The following ATP8A1 variants were observed in gnomAD, a reference collection of about 807,000 sequenced individuals.
The protein encoded by ATP8A1 is phospholipid-transporting ATPase IA.
ATP8A1 carries 90 observed loss-of-function variants against 177.7 expected under a neutral mutation model. The ratio of observed to expected loss-of-function variants is 0.51; its 90% CI spans 0.43 to 0.60. The LOEUF (loss-of-function observed/expected upper bound fraction) is 0.60. ATP8A1 is among the 20% of genes least tolerant of loss of function. The pLI is 0.00. For missense variants in ATP8A1, 1,072 were observed against 1,392.8 expected (o/e 0.77, Z 3.67); for synonymous variants, 493 against 485.9 (o/e 1.01, Z -0.19).
intron 5 of ATP8A1, among the ~76,000 whole-genome samples, chr4:42,604,651 C>T (rs6447173): frequency 0.57 from 86,277 of 152,036 alleles, 24,630 homozygotes; most frequent in South Asian, 0.66. Flanking sequence ...ACAGTTACCA[C>T]AGACCCAGAA....
intron 24 of ATP8A1, among the ~76,000 whole-genome samples, chr4:42,491,907 A>G (rs770223556): frequency 6.6e-5 from 10 of 152,206 alleles, no homozygotes; most frequent in African/African-American, 1.2e-4. Flanking sequence ...AAGGAAAAGC[A>G]TAGCCTCTAG....
chr4:42,426,348 C>T (rs1028492543), intron 33 of ATP8A1, among the ~76,000 whole-genome samples: 2 of 152,198 alleles, frequency 1.3e-5, no homozygotes, highest in Non-Finnish European at 2.9e-5. Flanking sequence ...TATGTGTTTA[C>T]ACTATTAATA....
At chr4:42,517,685 C>T (rs1361916907) in intron 22 of ATP8A1, among the ~76,000 whole-genome samples, 2 of 152,108 alleles carry the variant, frequency 1.3e-5, no homozygotes, top group African/African-American at 4.8e-5. Flanking sequence ...AAAAAATAAA[C>T]AAAATAGATG....
chr4:42,580,338 G>A (rs1186920391), intron 10 of ATP8A1, among the ~76,000 whole-genome samples: 1 of 152,064 alleles, frequency 6.6e-6, no homozygotes, highest in East Asian at 1.9e-4. Context: ...TTCCGTTCAG[G>A]AAGACAGGCA....
intron 1 of ATP8A1, 29 bp from the exon 2 acceptor site, chr4:42,627,138 G>T: frequency 6.5e-7 from 1 of 1,546,400 alleles, no homozygotes; most frequent in South Asian, 1.1e-5. Flanking sequence ...TATTGTACAA[G>T]AAATGTTTTA....
rs117780380 is a variant in ATP8A1 at position 42,489,311 on chromosome 4, C to T, written c.2152-3643G>A. 5.4e-3 allele frequency among the ~76,000 whole-genome samples: 824 copies of T among 152,224 alleles called. 16 individuals carry two copies. The highest frequency in any genetic ancestry group is 0.033 in the East Asian group (173 of 5,170). On this transcript the variant is annotated intron_variant, in intron 24 of 36. Transcript: ENST00000381668. ...AGAACTGTGAAACGCCCTCATGAAC[C>T]AACATAGGGTATGCAGTCCTGTGGT... is the stretch of plus-strand genomic sequence containing the variant.
chr4:42,425,601 C>T (rs1314215497), intron 33 of ATP8A1, among the ~76,000 whole-genome samples: 3 of 152,094 alleles, frequency 2.0e-5, no homozygotes, highest in Admixed American at 1.3e-4. Flanking sequence ...GTATTTCCTT[C>T]CTTTCTGTAT....
At chr4:42,560,749 A>AT (rs1001901153) in intron 15 of ATP8A1, among the ~76,000 whole-genome samples, 54 of 152,026 alleles carry the variant, frequency 3.6e-4, no homozygotes, top group Non-Finnish European at 5.9e-4. Context: ...GAATTTCTTT[A>AT]TTTAGGAGCT....
intron 33 of ATP8A1, among the ~76,000 whole-genome samples, chr4:42,431,002 G>A (rs940334486): frequency 7.9e-5 from 12 of 151,774 alleles, no homozygotes; most frequent in Admixed American, 5.9e-4. Context: ...ACACAGTCCA[G>A]CCTGCTGTAT....
At position 42,464,878 on chromosome 4, in the gene ATP8A1, G is replaced by A. The variant is rs753115035; in HGVS notation, c.2508+15C>T. On this transcript the variant is annotated intron_variant, in intron 26 of 36. Coordinates refer to ENST00000381668, the MANE Select transcript of ATP8A1 (RefSeq NM_006095.2). ...ACTGAGAGGAATGATGTGTTTTGCAGAAATGACGCTTTACCTGAGCTATGG... is the reference window on the plus strand; with the variant it reads ...ACTGAGAGGAATGATGTGTTTTGCAAAAATGACGCTTTACCTGAGCTATGG... 6.2e-7 allele frequency: 1 copy of A among 1,613,508 alleles called. No homozygotes were observed.
At chr4:42,442,596 C>T (rs1380500261) in intron 33 of ATP8A1, among the ~76,000 whole-genome samples, 6 of 152,130 alleles carry the variant, frequency 3.9e-5, no homozygotes, top group Admixed American at 2.0e-4. Flanking sequence ...TATATAATGC[C>T]TCTCTCTAAT....
chr4:42,604,599 T>C (rs1455202100), intron 5 of ATP8A1, among the ~76,000 whole-genome samples: 1 of 152,210 alleles, frequency 6.6e-6, no homozygotes, highest in Non-Finnish European at 1.5e-5. Flanking sequence ...TAATAAATAG[T>C]TGTATAGGAA....
intron 1 of ATP8A1, among the ~76,000 whole-genome samples, chr4:42,641,989 G>GT (rs1318348850): frequency 0.037 from 5,423 of 145,978 alleles, 287 homozygotes; most frequent in African/African-American, 0.12. Context: ...ACTCACCTTT[G>GT]TTTTTTTTTT....
intron 13 of ATP8A1, 52 bp from the exon 14 acceptor site, chr4:42,574,759 C>T (rs1385480509): frequency 7.8e-7 from 1 of 1,282,266 alleles, no homozygotes; most frequent in South Asian, 1.3e-5. Context: ...TTATGCCACT[C>T]TTTTACAGAG....
At chr4:42,445,987 G>A (rs984638792) in intron 31 of ATP8A1, among the ~76,000 whole-genome samples, 15 of 148,704 alleles carry the variant, frequency 1.0e-4, no homozygotes, top group Admixed American at 4.8e-4. Context: ...GGCTGAGGCA[G>A]GAGAATCACA....
At chr4:42,534,510 G>A (rs963128468) in intron 20 of ATP8A1, among the ~76,000 whole-genome samples, 6 of 152,146 alleles carry the variant, frequency 3.9e-5, no homozygotes, top group African/African-American at 1.2e-4. Flanking sequence ...ACAAGTTTGG[G>A]ATTGTGTTAA....
At chr4:42,554,891 A>G (rs1010793755) in intron 16 of ATP8A1, among the ~76,000 whole-genome samples, 1 of 152,126 alleles carries the variant, frequency 6.6e-6, no homozygotes, top group African/African-American at 2.4e-5. Flanking sequence ...CAGGCAGAAA[A>G]CTGTGAAAAG....
At chr4:42,442,806 G>C (rs977803504) in intron 33 of ATP8A1, among the ~76,000 whole-genome samples, 7 of 152,214 alleles carry the variant, frequency 4.6e-5, no homozygotes, top group Non-Finnish European at 1.0e-4. Flanking sequence ...ACAATGTACT[G>C]TCACGGAGCT....
At chr4:42,485,746 C>T in intron 24 of ATP8A1, 78 bp from the exon 25 acceptor site, 1 of 1,230,330 alleles carries the variant, frequency 8.1e-7, no homozygotes, top group Non-Finnish European at 1.1e-6. Context: ...GGATATTTGG[C>T]AACTACATTT....
Sources: gnomAD v4.1 joint callset for allele counts (sites outside exome capture counted in the v4.1 genomes callset) on GRCh38, gnomAD v4.1.1 for gene constraint, MANE v1.5 for transcripts, NCBI Gene and HGNC (gene_info 2026-07-23, HGNC 2026-07-21) for gene names.